The following MEGF11 variants were observed in gnomAD, a reference collection of about 807,000 sequenced individuals.
MEGF11 encodes multiple epidermal growth factor-like domains protein 11.
In MEGF11, 126 loss-of-function variants were observed where a neutral mutation model predicts 146.6. The observed-to-expected ratio is 0.86, with a 90% CI of 0.74 to 1.00. The LOEUF is 1.00. Among genes scored for constraint, MEGF11 ranks in the 50% least tolerant of loss-of-function variants. The pLI is 0.00. For missense variants in MEGF11, 1,509 were observed against 1,521.2 expected (o/e 0.99, Z 0.13); for synonymous variants, 532 against 583.4 (o/e 0.91, Z 1.27).
intron 1 of MEGF11, among the ~76,000 whole-genome samples, chr15:66,166,735 G>T (rs1391784741): frequency 6.6e-6 from 1 of 151,730 alleles, no homozygotes; most frequent in South Asian, 2.1e-4. Context: ...CCTCTGGCTG[G>T]CTCCGCCTTG....
intron 25 of MEGF11, chr15:65,898,454 TGC>T (rs780511302): frequency 2.5e-5 from 25 of 985,236 alleles, no homozygotes; most frequent in Non-Finnish European, 2.7e-5. Context: ...TGTGTGTGTG[TGC>T]GCGCGTGCAC....
chr15:66,033,051 A>G (rs2083587264), intron 5 of MEGF11, among the ~76,000 whole-genome samples: 1 of 144,860 alleles, frequency 6.9e-6, no homozygotes, highest in Non-Finnish European at 1.5e-5. Context: ...ACTGCACTCC[A>G]GCCTGGGTGA....
intron 5 of MEGF11, among the ~76,000 whole-genome samples, chr15:66,024,141 C>T (rs2083252278): frequency 6.6e-6 from 1 of 152,196 alleles, no homozygotes; most frequent in African/African-American, 2.4e-5. Flanking sequence ...TCTTGCTGAC[C>T]CAGCAGTCTC....
chr15:65,969,883 G>GAA (rs1159088325), intron 8 of MEGF11, among the ~76,000 whole-genome samples: 1 of 151,976 alleles, frequency 6.6e-6, no homozygotes, highest in Non-Finnish European at 1.5e-5. Flanking sequence ...GGGTTCTGTG[G>GAA]GTTTCAAATA....
intron 5 of MEGF11, among the ~76,000 whole-genome samples, chr15:66,063,086 G>A (rs1329177527): frequency 6.6e-6 from 1 of 152,214 alleles, no homozygotes; most frequent in Non-Finnish European, 1.5e-5. Context: ...ACCATAGAGT[G>A]TTAAAAAGGC....
At chr15:66,058,919 TC>T (rs1346920983) in intron 5 of MEGF11, among the ~76,000 whole-genome samples, 3 of 152,148 alleles carry the variant, frequency 2.0e-5, no homozygotes, top group South Asian at 2.1e-4. Context: ...GCCCTGAGTC[TC>T]CCCATTACCC....
At chr15:65,955,432 A>G (rs2080550548) in intron 10 of MEGF11, among the ~76,000 whole-genome samples, 1 of 150,302 alleles carries the variant, frequency 6.7e-6, no homozygotes, top group South Asian at 2.1e-4. Context: ...TAATCTTAGT[A>G]ATGTGTTTTT....
intron 5 of MEGF11, among the ~76,000 whole-genome samples, chr15:66,053,453 T>C (rs574668692): frequency 6.6e-6 from 1 of 152,210 alleles, no homozygotes; most frequent in East Asian, 1.9e-4. Context: ...TGAAATGTAG[T>C]ATACATAGGG....
chr15:66,080,892 G>A lies in MEGF11; in HGVS notation c.394+13510C>T, dbSNP rs182359212. ...CAGAAGGCGGCCCAGGCGGGTCTGC[G>A]AAGGGCCGCGGGCTTGGCAGAGCTG... On this transcript the variant is annotated intron_variant, in intron 5 of 25. Coordinates refer to ENST00000395614, the MANE Select transcript of MEGF11 (RefSeq NM_001385028.1). Among the ~76,000 whole-genome samples, 146 of 152,344 alleles carry A rather than the reference G, an allele frequency of 9.6e-4. No individual in the cohort carries two copies. The Middle Eastern group carries it at 0.02, about 21-fold the overall frequency.
At chr15:65,902,671 A>G (rs960943728) in intron 24 of MEGF11, 2 of 152,190 alleles carry the variant, frequency 1.3e-5, no homozygotes, top group Non-Finnish European at 2.9e-5. Flanking sequence ...GGAAGCATCA[A>G]CCCAGGCTAC....
intron 5 of MEGF11, among the ~76,000 whole-genome samples, chr15:66,009,475 T>C (rs2552181): frequency 1.3e-5 from 2 of 151,736 alleles, no homozygotes; most frequent in East Asian, 1.9e-4. Context: ...CCAAGACCCA[T>C]TGACCCCTTC....
chr15:66,049,131 C>T (rs552352272), intron 5 of MEGF11, among the ~76,000 whole-genome samples: 21 of 152,286 alleles, frequency 1.4e-4, no homozygotes, highest in African/African-American at 4.6e-4. Context: ...GGAGTCACCC[C>T]TGCCTTTGGA....
intron 5 of MEGF11, among the ~76,000 whole-genome samples, chr15:65,986,987 C>A (rs1199701207): frequency 1.3e-5 from 2 of 151,338 alleles, no homozygotes; most frequent in East Asian, 1.9e-4. Flanking sequence ...CTACTGGGGG[C>A]TGAAGGGCAC....
intron 1 of MEGF11, among the ~76,000 whole-genome samples, chr15:66,174,210 G>A (rs546183846): frequency 2.6e-5 from 4 of 152,336 alleles, no homozygotes; most frequent in African/African-American, 9.6e-5. Flanking sequence ...GTCATCTTGA[G>A]ATGGAATAGG....
chr15:66,208,720 A>G (rs913883079), intron 1 of MEGF11, among the ~76,000 whole-genome samples: 2 of 152,056 alleles, frequency 1.3e-5, no homozygotes, highest in Non-Finnish European at 2.9e-5. Flanking sequence ...CGTCTCTACT[A>G]AAAATACAAA....
At chr15:65,918,200 AG>A in intron 15 of MEGF11, 106 bp from the exon 16 acceptor site, 1 of 1,508,094 alleles carries the variant, frequency 6.6e-7, no homozygotes, top group East Asian at 2.3e-5. Flanking sequence ...ATGATCACCC[AG>A]GGGTCATGGA....
intron 5 of MEGF11, among the ~76,000 whole-genome samples, chr15:66,046,061 C>T (rs1285275180): frequency 1.3e-5 from 2 of 152,176 alleles, no homozygotes; most frequent in Non-Finnish European, 2.9e-5. Flanking sequence ...CGAGATCCCA[C>T]CACTGCATTC....
At chr15:65,950,614 CACACACACACACAA>C (rs1341010763) in intron 10 of MEGF11, among the ~76,000 whole-genome samples, 2 of 74,086 alleles carry the variant, frequency 2.7e-5, no homozygotes, top group East Asian at 5.5e-4. Context: ...CACACACACA[CACACACACACACAA>C]AAGGAAATAA....
intron 5 of MEGF11, among the ~76,000 whole-genome samples, chr15:66,026,819 A>G (rs978122213): frequency 6.6e-6 from 1 of 152,164 alleles, no homozygotes; most frequent in Non-Finnish European, 1.5e-5. Flanking sequence ...GGCTATGTGG[A>G]TTTAGGCAAG....
Sources: gnomAD v4.1 joint callset for allele counts (sites outside exome capture counted in the v4.1 genomes callset) on GRCh38, gnomAD v4.1.1 for gene constraint, MANE v1.5 for transcripts, NCBI Gene and HGNC (gene_info 2026-07-23, HGNC 2026-07-21) for gene names.